ROBO1: variants seen among roughly 807,000 people sequenced by gnomAD.
ROBO1 encodes the protein roundabout homolog 1.
A neutral mutation model predicts 195.9 loss-of-function variants in ROBO1; 149 were observed. The ratio of observed to expected loss-of-function variants is 0.76; its 90% CI spans 0.67 to 0.87. The LOEUF (loss-of-function observed/expected upper bound fraction) is 0.87. Among genes scored for constraint, ROBO1 ranks in the 40% least tolerant of loss-of-function variants. The probability of loss-of-function intolerance (pLI) is 0.00; values close to 1 mark genes in which losing one functional copy is unlikely to be tolerated. For missense variants in ROBO1, 1,933 were observed against 2,068.3 expected (o/e 0.93, Z 1.27); for synonymous variants, 816 against 733.2 (o/e 1.11, Z -1.82).
chr3:79,183,994 A>G (rs1423209013), intron 2 of ROBO1, among the ~76,000 whole-genome samples: 2 of 152,218 alleles, frequency 1.3e-5, no homozygotes, highest in Non-Finnish European at 2.9e-5. Flanking sequence ...TATGTCAGCT[A>G]ATGCTTTTCT....
chr3:79,672,604 C>T (rs1008687620), intron 1 of ROBO1, among the ~76,000 whole-genome samples: 3 of 151,892 alleles, frequency 2.0e-5, no homozygotes, highest in Non-Finnish European at 4.4e-5. Context: ...TTTCATTCTA[C>T]TATCATACTT....
chr3:79,029,526 T>C (rs1169687318), intron 3 of ROBO1, among the ~76,000 whole-genome samples: 1 of 152,208 alleles, frequency 6.6e-6, no homozygotes, highest in African/African-American at 2.4e-5. Flanking sequence ...CATTCTCTGA[T>C]CTTGCTCCCC....
At chr3:79,120,202 A>T (rs562942745) in intron 3 of ROBO1, among the ~76,000 whole-genome samples, 4 of 152,234 alleles carry the variant, frequency 2.6e-5, no homozygotes, top group Non-Finnish European at 5.9e-5. Flanking sequence ...AAAAACAAAG[A>T]GTTAGAAATT....
intron 1 of ROBO1, among the ~76,000 whole-genome samples, chr3:79,636,152 A>G (rs908187726): frequency 2.6e-5 from 4 of 152,120 alleles, no homozygotes; most frequent in Middle Eastern, 3.2e-3. Context: ...TTTAAGGATA[A>G]TTTCAGTATA....
At chr3:79,208,157 T>G (rs2081905760) in intron 2 of ROBO1, among the ~76,000 whole-genome samples, 1 of 152,162 alleles carries the variant, frequency 6.6e-6, no homozygotes, top group South Asian at 2.1e-4. Flanking sequence ...CTCTGATAAT[T>G]GCCTGTGCCA....
intron 1 of ROBO1, among the ~76,000 whole-genome samples, chr3:79,708,904 G>A (rs529277019): frequency 6.6e-6 from 1 of 152,102 alleles, no homozygotes; most frequent in South Asian, 2.1e-4. Flanking sequence ...TGATGAATAG[G>A]AGAATAAACA....
intron 2 of ROBO1, among the ~76,000 whole-genome samples, chr3:79,225,830 G>C (rs151053342): frequency 6.6e-6 from 1 of 152,108 alleles, no homozygotes; most frequent in East Asian, 1.9e-4. Flanking sequence ...AAAATAGCTA[G>C]CAATGGCTCC....
At chr3:78,860,072 T>C (rs1341066887) in intron 4 of ROBO1, among the ~76,000 whole-genome samples, 34 of 145,050 alleles carry the variant, frequency 2.3e-4, no homozygotes, top group South Asian at 6.4e-4. Context: ...GAGCGAGACT[T>C]CGTCTCAAAA....
At chr3:78,661,302 G>T in intron 15 of ROBO1, 41 bp from the exon 16 acceptor site, 2 of 1,200,612 alleles carry the variant, frequency 1.7e-6, no homozygotes, top group Non-Finnish European at 2.3e-6. Flanking sequence ...TCATATTATT[G>T]TATTGGTTCA....
intron 26 of ROBO1, among the ~76,000 whole-genome samples, chr3:78,620,509 C>G (rs905052406): frequency 6.6e-6 from 1 of 151,216 alleles, no homozygotes; most frequent in Admixed American, 6.6e-5. Flanking sequence ...GAGACTCCGT[C>G]TCAAAAAAAA....
At chr3:79,452,166 C>T (rs1243083059) in intron 2 of ROBO1, among the ~76,000 whole-genome samples, 1 of 152,110 alleles carries the variant, frequency 6.6e-6, no homozygotes, top group East Asian at 1.9e-4. Flanking sequence ...TTTTCCATAA[C>T]TGCATTCAGA....
chr3:79,199,134 G>C (rs1176769308), intron 2 of ROBO1, among the ~76,000 whole-genome samples: 1 of 151,530 alleles, frequency 6.6e-6, no homozygotes, highest in African/African-American at 2.4e-5. Context: ...CTTTTACATA[G>C]ATATGTGACA....
chr3:79,469,161 A>T (rs1277238641), intron 2 of ROBO1, among the ~76,000 whole-genome samples: 1 of 152,120 alleles, frequency 6.6e-6, no homozygotes, highest in Non-Finnish European at 1.5e-5. Flanking sequence ...CATCTAGTTG[A>T]GGGAGAAAGA....
In ROBO1 at chr3:78,728,645, G is replaced by A. The variant is rs116964399; in HGVS notation, c.658-10762C>T. 1.3e-3 allele frequency among the ~76,000 whole-genome samples: 198 copies of A among 152,246 alleles called. 3 individuals carry two copies. The East Asian group carries it at 0.036, about 28-fold the overall frequency. On this transcript the variant is annotated intron_variant, in intron 5 of 30. Coordinates refer to ENST00000464233, the MANE Select transcript of ROBO1 (RefSeq NM_002941.4). ...ATATAACAAAAGGACACCGGGGCAA[G>A]TACACACACATTGTAAAGAAAATAT...
chr3:78,758,501 G>A (rs1423478995), intron 4 of ROBO1, among the ~76,000 whole-genome samples: 1 of 139,804 alleles, frequency 7.2e-6, no homozygotes, highest in African/African-American at 2.8e-5. Context: ...ACTCCAGCCT[G>A]GGTGACAGAG....
At chr3:78,854,602 T>C (rs1449554383) in intron 4 of ROBO1, among the ~76,000 whole-genome samples, 1 of 151,952 alleles carries the variant, frequency 6.6e-6, no homozygotes, top group Non-Finnish European at 1.5e-5. Flanking sequence ...CTCTATTCTA[T>C]GATTTTCTTG....
At chr3:79,492,526 G>T (rs556134916) in intron 2 of ROBO1, among the ~76,000 whole-genome samples, 1 of 149,098 alleles carries the variant, frequency 6.7e-6, no homozygotes, top group South Asian at 2.1e-4. Context: ...TAAACTTAAA[G>T]ATATAATATA....
intron 3 of ROBO1, among the ~76,000 whole-genome samples, chr3:79,080,511 C>T (rs2079253109): frequency 6.6e-6 from 1 of 151,870 alleles, no homozygotes; most frequent in South Asian, 2.1e-4. Context: ...ACTTTAGTTT[C>T]TCAATATTTA....
chr3:78,955,857 C>T (rs1371903101), intron 3 of ROBO1, among the ~76,000 whole-genome samples: 1 of 152,108 alleles, frequency 6.6e-6, no homozygotes, highest in Non-Finnish European at 1.5e-5. Flanking sequence ...GTCAACTTCA[C>T]TCATTTTAAA....
Sources: gnomAD v4.1 joint callset for allele counts (sites outside exome capture counted in the v4.1 genomes callset) on GRCh38, gnomAD v4.1.1 for gene constraint, MANE v1.5 for transcripts, NCBI Gene and HGNC (gene_info 2026-07-23, HGNC 2026-07-21) for gene names.